Variants in PRKD1 observed in about 807,000 individuals in gnomAD.
PRKD1 encodes the protein protein kinase D1.
In PRKD1, 63 loss-of-function variants were observed where a neutral mutation model predicts 95.9. The observed-to-expected ratio is 0.66, with a 90% confidence interval of 0.54 to 0.81. The LOEUF (loss-of-function observed/expected upper bound fraction) is 0.81, where lower values mean the gene tolerates loss of function less well. Ranked by LOEUF, PRKD1 falls within the 30% of genes least tolerant of loss-of-function variation. The pLI is 0.00. For missense variants in PRKD1, 1,048 were observed against 1,165.3 expected (o/e 0.90, Z 1.47); for synonymous variants, 425 against 423.1 (o/e 1.00, Z -0.05).
intron 2 of PRKD1, among the ~76,000 whole-genome samples, chr14:29,706,949 T>C (rs1885120996): frequency 6.6e-6 from 1 of 151,900 alleles, no homozygotes; most frequent in Non-Finnish European, 1.5e-5. Flanking sequence ...AGGATGAAAA[T>C]GCATACAAAT....
chr14:29,724,675 G>A (rs972537147), intron 2 of PRKD1, among the ~76,000 whole-genome samples: 1 of 152,084 alleles, frequency 6.6e-6, no homozygotes, highest in Non-Finnish European at 1.5e-5. Flanking sequence ...GGAACTTGAG[G>A]AAATAAACTT....
At chr14:29,597,463 A>T in intron 16 of PRKD1, 28 bp downstream of exon 16, 1 of 1,537,224 alleles carries the variant, frequency 6.5e-7, no homozygotes. Flanking sequence ...GGATTAGATT[A>T]TTATCATTTT....
At chr14:29,598,259 A>G (rs1893383237) in intron 15 of PRKD1, among the ~76,000 whole-genome samples, 1 of 150,736 alleles carries the variant, frequency 6.6e-6, no homozygotes, top group South Asian at 2.1e-4. Flanking sequence ...CTGGGGCAAC[A>G]GAGTGCTCTG....
intron 4 of PRKD1, among the ~76,000 whole-genome samples, chr14:29,643,123 T>C (rs1880903363): frequency 6.6e-6 from 1 of 152,136 alleles, no homozygotes; most frequent in African/African-American, 2.4e-5. Flanking sequence ...GTTCTATGAA[T>C]TGGAGGAGTT....
intron 6 of PRKD1, among the ~76,000 whole-genome samples, chr14:29,637,121 C>G (rs543828760): frequency 9.2e-5 from 14 of 152,052 alleles, no homozygotes; most frequent in Non-Finnish European, 1.9e-4. Context: ...ATACCAGGCC[C>G]AAGTGACTGG....
chr14:29,602,430 T>C (rs919423817), intron 13 of PRKD1, among the ~76,000 whole-genome samples: 1 of 141,616 alleles, frequency 7.1e-6, no homozygotes, highest in Non-Finnish European at 1.5e-5. Flanking sequence ...TATTCCTCTT[T>C]TTTTTTTTTT....
chr14:29,843,402 T>G (rs535152321), intron 1 of PRKD1, among the ~76,000 whole-genome samples: 1 of 152,034 alleles, frequency 6.6e-6, no homozygotes, highest in Non-Finnish European at 1.5e-5. Flanking sequence ...AAAATAAATA[T>G]GGAAGATAAG....
At chr14:29,645,869 CT>C (rs1881091392) in intron 4 of PRKD1, among the ~76,000 whole-genome samples, 2 of 152,226 alleles carry the variant, frequency 1.3e-5, no homozygotes, top group South Asian at 4.1e-4. Flanking sequence ...CCACTCCTTA[CT>C]CTATTACTGT....
chr14:29,841,421 C>A (rs1253996061), intron 1 of PRKD1, among the ~76,000 whole-genome samples: 1 of 152,176 alleles, frequency 6.6e-6, no homozygotes, highest in Non-Finnish European at 1.5e-5. Flanking sequence ...ACAATTCCCA[C>A]ATGCTGTGGG....
intron 1 of PRKD1, among the ~76,000 whole-genome samples, chr14:29,770,457 C>T (rs1888450880): frequency 6.6e-6 from 1 of 152,086 alleles, no homozygotes; most frequent in Admixed American, 6.6e-5. Context: ...TTAGAGATGA[C>T]CTAAGAGGTC....
At chr14:29,731,867 CTTT>C (rs56015138) in intron 1 of PRKD1, among the ~76,000 whole-genome samples, 18 of 144,588 alleles carry the variant, frequency 1.2e-4, no homozygotes, top group African/African-American at 4.4e-4. Context: ...ACAATCTCTA[CTTT>C]TTTTTTTTTT....
chr14:29,590,696 T>G (rs1893095882), intron 16 of PRKD1, among the ~76,000 whole-genome samples: 1 of 152,166 alleles, frequency 6.6e-6, no homozygotes, highest in Non-Finnish European at 1.5e-5. Flanking sequence ...ATAACCCATA[T>G]TTCCTATAGC....
intron 2 of PRKD1, among the ~76,000 whole-genome samples, chr14:29,687,770 G>C (rs1488160244): frequency 1.3e-5 from 2 of 152,156 alleles, no homozygotes; most frequent in Admixed American, 6.5e-5. Flanking sequence ...ACCACACCTG[G>C]AACAACAATT....
chr14:29,697,227 C>G (rs1248156179), intron 2 of PRKD1, among the ~76,000 whole-genome samples: 2 of 151,400 alleles, frequency 1.3e-5, no homozygotes, highest in African/African-American at 2.4e-5. Context: ...ATATTTAAAT[C>G]CATTCCTACT....
At chr14:29,762,070 C>T (rs1383529841) in intron 1 of PRKD1, among the ~76,000 whole-genome samples, 1 of 152,118 alleles carries the variant, frequency 6.6e-6, no homozygotes, top group Non-Finnish European at 1.5e-5. Flanking sequence ...CTCACTGCAC[C>T]TGGCTCTTAA....
rs142819768 is a variant in PRKD1, at chr14:29,810,364, C to T, written c.265-84690G>A. 1.6e-3 allele frequency among the ~76,000 whole-genome samples: 237 copies of T among 152,312 alleles called. 1 individual carries two copies. Among genetic ancestry groups the T allele is most frequent in the Middle Eastern group, 0.01 (3 of 294 alleles). ...AATCAAGTGAACAGCAATATAAAGA[C>T]GTGTGCCTGTATGTATTCTTCGCTG... On this transcript the variant is annotated intron_variant, in intron 1 of 17. Coordinates refer to ENST00000331968, the MANE Select transcript of PRKD1 (RefSeq NM_002742.3).
chr14:29,588,484 G>T (rs905733143), intron 16 of PRKD1, among the ~76,000 whole-genome samples: 5 of 152,150 alleles, frequency 3.3e-5, no homozygotes, highest in South Asian at 2.1e-4. Context: ...AAATTTAGAT[G>T]CCTTGATAAA....
At position 29,874,323 on chromosome 14, in the gene PRKD1, A is replaced by G. The variant is rs1002079709; in HGVS notation, c.264+52926T>C. 4.6e-5 allele frequency among the ~76,000 whole-genome samples: 7 copies of G among 152,222 alleles called. No individual in the cohort carries two copies. In the East Asian group the frequency reaches 1.3e-3, roughly 29 times the overall value. On this transcript the variant is annotated intron_variant, in intron 1 of 17. Transcript: ENST00000331968. ...GAATGGCTTTTAAAAAGATAAAAAT[A>G]ACAGATTCTGGTGAGGATGCAAAGC...
chr14:29,906,532 CAA>C (rs199826591), intron 1 of PRKD1, among the ~76,000 whole-genome samples: 1 of 139,036 alleles, frequency 7.2e-6, no homozygotes. Context: ...TCAATTTAAC[CAA>C]AAAAAAAAAG....
Sources: gnomAD v4.1 joint callset for allele counts (sites outside exome capture counted in the v4.1 genomes callset) on GRCh38, gnomAD v4.1.1 for gene constraint, MANE v1.5 for transcripts, NCBI Gene and HGNC (gene_info 2026-07-23, HGNC 2026-07-21) for gene names.